Variants in MED12L observed in about 807,000 individuals in gnomAD.
MED12L encodes the protein mediator complex subunit 12L.
MED12L carries 60 observed loss-of-function variants against 281.3 expected under a neutral mutation model. The observed-to-expected ratio is 0.21, with a 90% CI of 0.17 to 0.26. MED12L has a LOEUF of 0.26. Ranked by LOEUF, MED12L falls within the 10% of genes least tolerant of loss-of-function variation. MED12L has a pLI of 1.00. For synonymous variants in MED12L, 974 were observed against 987.2 expected, an observed-to-expected ratio of 0.99 and a Z score of 0.25; for missense variants, 2,146 against 2,680.9, an observed-to-expected ratio of 0.80 and a Z score of 4.41.
intron 7 of MED12L, among the ~76,000 whole-genome samples, chr3:151,159,273 C>T (rs1174861458): frequency 6.6e-6 from 1 of 152,190 alleles, no homozygotes; most frequent in African/African-American, 2.4e-5. Flanking sequence ...TAAAAAAATT[C>T]TTACGTGATA....
At chr3:151,213,267 A>C in intron 16 of MED12L, 2 of 1,496,412 alleles carry the variant, frequency 1.3e-6, no homozygotes, top group Non-Finnish European at 1.8e-6. Flanking sequence ...GACAACATGC[A>C]CACGTGGTCT....
rs759814649 is a variant in MED12L, at chr3:151,376,189, G to C, written c.4028G>C (p.Arg1343Thr). Residue 1343 changes from arginine (R) to threonine (T), a missense_variant, in exon 28 of 45, where the codon AGA (arginine) becomes ACA (threonine). Physicochemically the swap from Arg to Thr is moderately conservative, Grantham distance 71. This residue lies in a region of MED12L where 235 missense variants were observed against 260.3 expected (regional missense o/e 0.90). Coordinates refer to ENST00000687756, the MANE Select transcript of MED12L (RefSeq NM_001393769.1). ...TGTACCGAGGGGGACAATCTGCAAAGACAGCACATTAAGCGTATTCTTCAG... is the reference window on the plus strand; with the variant it reads ...TGTACCGAGGGGGACAATCTGCAAACACAGCACATTAAGCGTATTCTTCAG... The part of the protein sequence containing the change: ...KECTEGDNLQ[R>T]QHIKRILQNL... 1 of 1,594,836 alleles carries C rather than the reference G, an allele frequency of 6.3e-7. No individual in the cohort carries two copies. Among genetic ancestry groups the C allele is most frequent in the Non-Finnish European group, 8.5e-7 (1 of 1,172,384 alleles).
intron 16 of MED12L, among the ~76,000 whole-genome samples, chr3:151,226,749 C>T (rs544359817): frequency 2.7e-4 from 41 of 152,250 alleles, no homozygotes; most frequent in African/African-American, 9.4e-4. Context: ...GATACTGCGG[C>T]ATAGAGAACC....
chr3:151,377,996 C>G lies in MED12L; in HGVS notation c.4317-16C>G. ...AAGGATGCTTTCTCCGGTGTAACAC[C>G]TGTTTCTGATTTTAGTTCCTCCGAA... On this transcript the variant is annotated splice_polypyrimidine_tract_variant and intron_variant, in intron 30 of 44. Transcript: ENST00000687756. 2 of 1,581,854 alleles carry G rather than the reference C, an allele frequency of 1.3e-6. No homozygotes were observed. Among genetic ancestry groups the G allele is most frequent in the Non-Finnish European group, 1.7e-6 (2 of 1,160,996 alleles).
At chr3:151,158,945 G>A (rs1425734289) in intron 7 of MED12L, 146 bp downstream of exon 7, 5 of 643,090 alleles carry the variant, frequency 7.8e-6, no homozygotes, top group Non-Finnish European at 1.1e-5. Flanking sequence ...AACACATGAA[G>A]TGATAAAGGC....
chr3:151,217,200 C>G (rs58321514), intron 16 of MED12L, among the ~76,000 whole-genome samples: 7,005 of 152,236 alleles, frequency 0.046, 496 homozygotes, highest in African/African-American at 0.15. Context: ...GTAGAAGCCA[C>G]TATTTATAGA....
Position 151,378,016 on chromosome 3 carries a change from T to A in MED12L, c.4321T>A (p.Ser1441Thr). 6.3e-7 allele frequency: 1 copy of A among 1,597,678 alleles called. No homozygotes were observed. Residue 1441 changes from serine to threonine, a missense_variant, in exon 31 of 45, where the codon TCC (serine) becomes ACC (threonine). Physicochemically the swap from Ser to Thr is moderately conservative, Grantham distance 58. Coordinates refer to ENST00000687756, the MANE Select transcript of MED12L (RefSeq NM_001393769.1). Reference protein sequence around the residue: ...QNGIKTFLSSSERRGVWLVAP... With the variant: ...QNGIKTFLSSTERRGVWLVAP... ...AACACCTGTTTCTGATTTTAGTTCC[T>A]CCGAACGCAGGGGTGTATGGTTGGT...
intron 16 of MED12L, among the ~76,000 whole-genome samples, chr3:151,225,012 A>G (rs1391325030): frequency 6.6e-6 from 1 of 152,174 alleles, no homozygotes; most frequent in Non-Finnish European, 1.5e-5. Context: ...ATTATTTACT[A>G]GTGTTATTTA....
chr3:151,193,391 T>A (rs1724236418), intron 15 of MED12L, 99 bp from the exon 16 acceptor site: 1 of 828,788 alleles, frequency 1.2e-6, no homozygotes, highest in Admixed American at 2.7e-5. Flanking sequence ...TAGGAAAAGG[T>A]GTATAAGTGT....
At chr3:151,246,857 TC>T (rs1275204036) in intron 16 of MED12L, among the ~76,000 whole-genome samples, 7 of 152,138 alleles carry the variant, frequency 4.6e-5, no homozygotes, top group Non-Finnish European at 8.8e-5. Context: ...GAGAAACTTT[TC>T]GCAACCTACT....
chr3:151,164,874 G>A (rs1720481509), intron 9 of MED12L, among the ~76,000 whole-genome samples: 2 of 152,066 alleles, frequency 1.3e-5, no homozygotes, highest in African/African-American at 4.8e-5. Flanking sequence ...AGGGGGTAGG[G>A]ATGGCATTAG....
chr3:151,373,487 C>T (rs536795195), intron 27 of MED12L, among the ~76,000 whole-genome samples: 17 of 152,166 alleles, frequency 1.1e-4, no homozygotes, highest in African/African-American at 2.9e-4. Context: ...TTGTTTAACT[C>T]CCCCACCCCT....
intron 16 of MED12L, chr3:151,328,683 CATAAA>C: frequency 6.2e-7 from 1 of 1,612,394 alleles, no homozygotes; most frequent in Non-Finnish European, 8.5e-7. Context: ...TACATGGTCT[CATAAA>C]ATATCACCGA....
intron 5 of MED12L, among the ~76,000 whole-genome samples, chr3:151,146,007 C>A (rs887834058): frequency 6.6e-6 from 1 of 152,164 alleles, no homozygotes; most frequent in Admixed American, 6.5e-5. Flanking sequence ...TCTGATCTTG[C>A]CGTTGCTGTG....
At chr3:151,330,192 T>G (rs1750192548) in intron 16 of MED12L, among the ~76,000 whole-genome samples, 1 of 152,216 alleles carries the variant, frequency 6.6e-6, no homozygotes, top group Admixed American at 6.5e-5. Context: ...AAGAATGAAT[T>G]GGTTGCCTGG....
chr3:151,121,060 C>T (rs1257892151), intron 3 of MED12L, among the ~76,000 whole-genome samples: 1 of 152,098 alleles, frequency 6.6e-6, no homozygotes, highest in Non-Finnish European at 1.5e-5. Flanking sequence ...TTATTAAATA[C>T]TTAAAGATAA....
At chr3:151,299,081 T>C (rs1199113471) in intron 16 of MED12L, among the ~76,000 whole-genome samples, 1 of 152,200 alleles carries the variant, frequency 6.6e-6, no homozygotes, top group Non-Finnish European at 1.5e-5. Context: ...TTCTATAACA[T>C]AAAGCTTAAT....
intron 16 of MED12L, among the ~76,000 whole-genome samples, chr3:151,324,721 T>C (rs1469177260): frequency 6.6e-6 from 1 of 152,218 alleles, no homozygotes; most frequent in African/African-American, 2.4e-5. Flanking sequence ...CAATGTGTAT[T>C]TGGAGAATCT....
chr3:151,154,144 A>G (rs1576842639), intron 5 of MED12L, among the ~76,000 whole-genome samples: 1 of 152,066 alleles, frequency 6.6e-6, no homozygotes, highest in Admixed American at 6.6e-5. Flanking sequence ...GTTATTTTCT[A>G]TTTTTAATTT....
Sources: allele counts gnomAD v4.1 joint callset (sites outside exome capture counted in the v4.1 genomes callset), GRCh38; gene constraint gnomAD v4.1.1; regional missense constraint gnomAD v4.1.1; transcripts MANE v1.5; gene names NCBI Gene and HGNC (gene_info 2026-07-23, HGNC 2026-07-21).